FDFT1: variants seen among roughly 807,000 people sequenced by gnomAD.
The protein encoded by FDFT1 is farnesyl-diphosphate farnesyltransferase 1.
A neutral mutation model predicts 46.8 loss-of-function variants in FDFT1; 68 were observed. The ratio of observed to expected loss-of-function variants is 1.45; its 90% CI spans 1.19 to 1.78. The LOEUF (loss-of-function observed/expected upper bound fraction) is 1.78, where lower values mean the gene tolerates loss of function less well. Among genes scored for constraint, FDFT1 ranks in the 40% most tolerant of loss-of-function variants. The pLI, the probability that FDFT1 is intolerant of heterozygous loss-of-function variation, is 0.00. For synonymous variants in FDFT1, 351 were observed against 185.1 expected (o/e 1.90, Z -7.28); for missense variants, 928 against 524.4 (o/e 1.77, Z -7.52).
chr8:11,804,316 A>G (rs1806526432), intron 1 of FDFT1, among the ~76,000 whole-genome samples: 1 of 152,134 alleles, frequency 6.6e-6, no homozygotes, highest in Non-Finnish European at 1.5e-5. Flanking sequence ...GTTAGAGAAA[A>G]TGGTAGCATT....
chr8:11,818,147 C>G (rs1397522997), intron 3 of FDFT1, among the ~76,000 whole-genome samples: 1 of 152,172 alleles, frequency 6.6e-6, no homozygotes, highest in Admixed American at 6.6e-5. Flanking sequence ...GCAGGTTGTT[C>G]AGTTTCCATG....
rs1563351492 is a variant in FDFT1, at chr8:11,838,501, C to T, written c.1146C>T (p.Tyr382=). ...PNCQLISRSH[Y]SPIYLSFVML... ...GTCAGCTGATTTCCCGAAGCCACTA[C>T]TCCCCCATCTACCTGTCGTTTGTCA... Residue 382 remains tyrosine (Y), a synonymous_variant, in exon 8 of 8, where the codon TAC becomes TAT. Coordinates refer to ENST00000220584, the MANE Select transcript of FDFT1 (RefSeq NM_004462.5). 6.2e-7 allele frequency: 1 copy of T among 1,607,438 alleles called. No homozygotes were observed. The highest frequency in any genetic ancestry group is 8.5e-7 in the Non-Finnish European group (1 of 1,175,872).
rs956703291 is a variant in FDFT1 at position 11,821,945 on chromosome 8, C to G, written c.510+67C>G. On this transcript the variant is annotated intron_variant, in intron 4 of 7. Coordinates refer to ENST00000220584, the MANE Select transcript of FDFT1 (RefSeq NM_004462.5). The stretch of plus-strand genomic sequence containing the variant: ...AGAGCTGGCAGTCCTCATAGTGAAG[C>G]TCAGAACAAGAAAAGTTGTCCAGTA... The G allele has an allele frequency of 1.1e-5, 17 of 1,567,232 alleles. No homozygotes were observed. In the African/African-American group the frequency reaches 1.9e-4, roughly 17 times the overall value.
upstream of FDFT1, chr8:11,802,475 G>A: frequency 2.1e-6 from 1 of 475,374 alleles, no homozygotes; most frequent in Non-Finnish European, 4.2e-6. Flanking sequence ...AGAAAACAAA[G>A]GCCCGGCTCC....
chr8:11,827,325 T>A (rs1340346850), intron 5 of FDFT1, among the ~76,000 whole-genome samples: 2 of 151,812 alleles, frequency 1.3e-5, no homozygotes, highest in East Asian at 1.9e-4. Context: ...AGAGCAAAAA[T>A]AAAAATTAAA....
chr8:11,820,138 C>G (rs916455957), intron 3 of FDFT1, among the ~76,000 whole-genome samples: 4 of 152,198 alleles, frequency 2.6e-5, no homozygotes, highest in Admixed American at 1.3e-4. Flanking sequence ...GAGGTCCACT[C>G]TAGACCCTGT....
At position 11,838,446 on chromosome 8, in the gene FDFT1, C is replaced by T. The variant is rs1393093981; in HGVS notation, c.1091C>T (p.Ser364Phe). The T allele has an allele frequency of 3.7e-6, 6 of 1,610,310 alleles. No homozygotes were observed. The highest frequency in any genetic ancestry group is 4.2e-6 in the Non-Finnish European group (5 of 1,177,930). ...PSSSKTRQII[S>F]TIRTQNLPNC... is the part of the protein sequence containing the mutation. ...TCTAGCAAAACAAGGCAGATCATCTCCACCATCCGGACGCAGAATCTTCCC... is the reference window on the plus strand; with the variant it reads ...TCTAGCAAAACAAGGCAGATCATCTTCACCATCCGGACGCAGAATCTTCCC... The change falls in exon 8 of 8, where the codon TCC (serine) becomes TTC (phenylalanine). Residue 364 changes from serine to phenylalanine, a missense_variant. Transcript: ENST00000220584.
chr8:11,834,898 C>T (rs112097393), intron 7 of FDFT1, among the ~76,000 whole-genome samples: 20,244 of 152,160 alleles, frequency 0.13, 1,463 homozygotes, highest in Middle Eastern at 0.16. Flanking sequence ...CTGAGGCAGG[C>T]AGATCACTTG....
rs1176772651 is a variant in FDFT1 at position 11,809,848 on chromosome 8, A to T, written c.379A>T (p.Thr127Ser). 1 of 1,611,384 alleles carries T rather than the reference A, an allele frequency of 6.2e-7. No individual in the cohort carries two copies. Among genetic ancestry groups the T allele is most frequent in the Non-Finnish European group, 8.5e-7 (1 of 1,178,104 alleles). The change falls in exon 3 of 8, where the codon ACG (threonine) becomes TCG (serine). Residue 127 changes from threonine (T) to serine (S), a missense_variant and splice_region_variant. By Grantham distance (58) the Thr-to-Ser change is moderately conservative. Transcript: ENST00000220584. ...KDRQVLEDFP[T>S]ISLEFRNLAE... ...TCGCCAGGTGCTGGAGGACTTCCCA[A>T]CGGTGAGTGGGGTTACGCATCTTGT...
chr8:11,835,937 C>T (rs971585544), intron 7 of FDFT1, among the ~76,000 whole-genome samples: 3 of 127,084 alleles, frequency 2.4e-5, no homozygotes, highest in African/African-American at 8.5e-5. Context: ...AGTGCGAAAC[C>T]AGCCTGACTT....
At chr8:11,832,941 AAC>A (rs1460825537) in intron 7 of FDFT1, among the ~76,000 whole-genome samples, 1 of 152,216 alleles carries the variant, frequency 6.6e-6, no homozygotes, top group Non-Finnish European at 1.5e-5. Context: ...TATGGTTTGC[AAC>A]AGTGTTTTCA....
chr8:11,823,225 G>A (rs1038442476), intron 4 of FDFT1, among the ~76,000 whole-genome samples: 5 of 152,158 alleles, frequency 3.3e-5, no homozygotes, highest in Non-Finnish European at 5.9e-5. Flanking sequence ...CAAATGTTGG[G>A]ATTACAGGCA....
At chr8:11,804,943 C>G (rs1585857679) in intron 1 of FDFT1, among the ~76,000 whole-genome samples, 1 of 135,818 alleles carries the variant, frequency 7.4e-6, no homozygotes, top group Non-Finnish European at 1.5e-5. Context: ...GGGTCTCACT[C>G]CATCGTCCAG....
intron 1 of FDFT1, chr8:11,803,298 T>C (rs1308818867): frequency 6.1e-6 from 8 of 1,310,454 alleles, no homozygotes; most frequent in Non-Finnish European, 8.0e-6. Context: ...GTGAGTTTTT[T>C]GGTAAGCGGA....
At chr8:11,802,711 T>C (rs958807740), upstream of FDFT1, 34 of 760,290 alleles carry the variant, frequency 4.5e-5, no homozygotes, top group Non-Finnish European at 7.0e-5. Context: ...GTCGCCGTAC[T>C]AGGCCTGCCC....
intron 3 of FDFT1, among the ~76,000 whole-genome samples, chr8:11,817,550 A>G (rs1322444971): frequency 1.3e-5 from 2 of 152,236 alleles, no homozygotes; most frequent in African/African-American, 4.8e-5. Context: ...AGAGCCTGCT[A>G]TTGGTCATTT....
chr8:11,829,013 T>G (rs1810401993), intron 5 of FDFT1, among the ~76,000 whole-genome samples: 1 of 151,474 alleles, frequency 6.6e-6, no homozygotes. Flanking sequence ...TTTTCTTGGG[T>G]CTATGCTGAG....
chr8:11,808,705 C>T (rs1807245807), intron 1 of FDFT1, 89 bp from the exon 2 acceptor site: 8 of 1,448,720 alleles, frequency 5.5e-6, no homozygotes, highest in Admixed American at 2.4e-5. Context: ...AGCCGCCTGC[C>T]CCAGTCCCAC....
chr8:11,825,450 G>A (rs1270872770), intron 4 of FDFT1, among the ~76,000 whole-genome samples: 1 of 149,014 alleles, frequency 6.7e-6, no homozygotes, highest in Non-Finnish European at 1.5e-5. Context: ...TGAGGCAGGA[G>A]AATCACTTGA....
Sources: gnomAD v4.1 joint callset for allele counts (sites outside exome capture counted in the v4.1 genomes callset) on GRCh38, gnomAD v4.1.1 for gene constraint, MANE v1.5 for transcripts, NCBI Gene and HGNC (gene_info 2026-07-23, HGNC 2026-07-21) for gene names.